The following PKIG variants were observed in gnomAD, a reference collection of about 807,000 sequenced individuals.
The protein encoded by PKIG is protein kinase (cAMP-dependent, catalytic) inhibitor gamma.
In PKIG, 1 loss-of-function variant was observed where a neutral mutation model predicts 6.8. The ratio of observed to expected loss-of-function variants is 0.15; its 90% CI spans 0.05 to 0.69. PKIG has a LOEUF of 0.69. PKIG is among the 30% of genes least tolerant of loss of function. The probability of loss-of-function intolerance (pLI) is 0.82; values close to 1 mark genes in which losing one functional copy is unlikely to be tolerated. For synonymous variants in PKIG, 39 were observed against 43.0 expected (o/e 0.91, Z 0.36); for missense variants, 77 against 104.0 (o/e 0.74, Z 1.13).
At chr20:44,600,611 C>T (rs980265375) in intron 2 of PKIG, among the ~76,000 whole-genome samples, 1 of 151,652 alleles carries the variant, frequency 6.6e-6, no homozygotes, top group Non-Finnish European at 1.5e-5. Flanking sequence ...TTTGGGAGGC[C>T]AAGGTGGGAG....
At chr20:44,593,758 C>T (rs2065053572) in intron 2 of PKIG, among the ~76,000 whole-genome samples, 1 of 152,088 alleles carries the variant, frequency 6.6e-6, no homozygotes, top group Non-Finnish European at 1.5e-5. Flanking sequence ...CTTAAGTATT[C>T]TCGTCACAAA....
At chr20:44,532,489 A>G (rs2064475645) in intron 1 of PKIG, among the ~76,000 whole-genome samples, 1 of 152,196 alleles carries the variant, frequency 6.6e-6, no homozygotes, top group Non-Finnish European at 1.5e-5. Context: ...ACCATCACTG[A>G]GCATTTATTG....
intron 1 of PKIG, among the ~76,000 whole-genome samples, chr20:44,556,262 T>C (rs529149009): frequency 6.6e-6 from 1 of 152,344 alleles, no homozygotes; most frequent in East Asian, 1.9e-4. Context: ...AAAAAAAGTG[T>C]GTTTGGCTTA....
intron 2 of PKIG, among the ~76,000 whole-genome samples, chr20:44,609,553 A>T (rs1228182453): frequency 6.6e-6 from 1 of 152,190 alleles, no homozygotes; most frequent in East Asian, 1.9e-4. Flanking sequence ...GAGGCCCGAG[A>T]GTGAAATCCA....
At chr20:44,574,031 C>T (rs929820481) in intron 1 of PKIG, among the ~76,000 whole-genome samples, 4 of 152,196 alleles carry the variant, frequency 2.6e-5, no homozygotes, top group Non-Finnish European at 5.9e-5. Context: ...ACCCCTCACC[C>T]TGAGGCAGCC....
chr20:44,578,079 G>T (rs2064914522), upstream of PKIG, among the ~76,000 whole-genome samples: 1 of 152,008 alleles, frequency 6.6e-6, no homozygotes, highest in Non-Finnish European at 1.5e-5. Flanking sequence ...GGTGGCTCAT[G>T]CCTGTAATCC....
intron 1 of PKIG, among the ~76,000 whole-genome samples, chr20:44,576,145 C>G (rs953933053): frequency 6.8e-6 from 1 of 147,802 alleles, no homozygotes; most frequent in Non-Finnish European, 1.5e-5. Context: ...TTACCATAGA[C>G]TGGACTAAGT....
At chr20:44,543,996 G>A (rs755123750) in intron 1 of PKIG, among the ~76,000 whole-genome samples, 3 of 151,600 alleles carry the variant, frequency 2.0e-5, no homozygotes, top group Non-Finnish European at 4.4e-5. Flanking sequence ...CCTGGGAGGT[G>A]GAGGTTGCAG....
chr20:44,614,832 G>T lies in PKIG; in HGVS notation c.151+125G>T, dbSNP rs957325389. On this transcript the variant is annotated intron_variant, in intron 3 of 3. Coordinates refer to ENST00000372886, the MANE Select transcript of PKIG (RefSeq NM_001281445.2). The surrounding 1 kb of genome is among the most constrained non-coding windows in gnomAD (Gnocchi z 4.6). ...AAGAAACCACATTTAAGTCAGGCCT[G>T]CCCCATGGTCAGTGGCAGAGTCCAG... 233 of 962,626 alleles carry T rather than the reference G, an allele frequency of 2.4e-4. No homozygotes were observed. The highest frequency in any genetic ancestry group is 3.3e-4 in the Non-Finnish European group (218 of 656,042). The allele number at this position is 962,626 out of a possible 1,614,324, so 59.6% of individuals were successfully genotyped here.
At chr20:44,555,656 A>G (rs2064706464) in intron 1 of PKIG, among the ~76,000 whole-genome samples, 1 of 151,582 alleles carries the variant, frequency 6.6e-6, no homozygotes, top group Non-Finnish European at 1.5e-5. Flanking sequence ...TCATCTTAGT[A>G]CTCCCACTCA....
At chr20:44,558,692 T>C (rs1568810300) in intron 1 of PKIG, among the ~76,000 whole-genome samples, 1 of 151,288 alleles carries the variant, frequency 6.6e-6, no homozygotes, top group Non-Finnish European at 1.5e-5. Flanking sequence ...TTTCTCTTTT[T>C]CTCTCTCTTC....
chr20:44,588,539 G>A (rs931173023), intron 1 of PKIG, among the ~76,000 whole-genome samples: 1 of 152,176 alleles, frequency 6.6e-6, no homozygotes, highest in African/African-American at 2.4e-5. Context: ...AGCTACTTGG[G>A]AGGCTGAGGC....
intron 1 of PKIG, among the ~76,000 whole-genome samples, chr20:44,563,632 C>T (rs1006987725): frequency 1.3e-5 from 2 of 152,134 alleles, no homozygotes; most frequent in Non-Finnish European, 2.9e-5. Context: ...TGGGCTCAAG[C>T]GATCCTCCTA....
chr20:44,557,674 A>G (rs1035964149), intron 1 of PKIG, among the ~76,000 whole-genome samples: 1 of 144,030 alleles, frequency 6.9e-6, no homozygotes, highest in African/African-American at 2.7e-5. Flanking sequence ...AAAAAAAAAA[A>G]TTAGCCAGCC....
intron 1 of PKIG, among the ~76,000 whole-genome samples, chr20:44,548,141 T>G (rs1351106398): frequency 6.6e-6 from 1 of 152,076 alleles, no homozygotes; most frequent in Admixed American, 6.6e-5. Context: ...ATCGCACAAC[T>G]GCACTCCAGC....
intron 2 of PKIG, among the ~76,000 whole-genome samples, chr20:44,595,600 G>A (rs1259444242): frequency 7.9e-5 from 12 of 152,154 alleles, no homozygotes; most frequent in Admixed American, 1.3e-4. Context: ...TGCAACCTCC[G>A]CCTCCTGGGT....
rs180960574 is a variant in PKIG, at chr20:44,551,681, C to T, written c.-241+19703C>T. ...CGTTTCCAGAAAGTCCTCTAGCCAG[C>T]TGTGCCTGTTGAGTGTCATTGACTT... On this transcript the variant is annotated intron_variant, in intron 1 of 4. Coordinates refer to the PKIG transcript ENST00000372887. Among the ~76,000 whole-genome samples the T allele has an allele frequency of 1.9e-3, 293 of 152,314 alleles. 2 individuals carry two copies. The highest frequency in any genetic ancestry group is 6.4e-3 in the African/African-American group (267 of 41,574).
intron 1 of PKIG, among the ~76,000 whole-genome samples, chr20:44,566,722 T>G (rs547333205): frequency 2.6e-4 from 40 of 152,300 alleles, no homozygotes; most frequent in African/African-American, 9.6e-4. Context: ...GGTGCACACT[T>G]GTAATCCCAG....
At chr20:44,566,710 G>A (rs913414131) in intron 1 of PKIG, among the ~76,000 whole-genome samples, 1 of 152,124 alleles carries the variant, frequency 6.6e-6, no homozygotes, top group Non-Finnish European at 1.5e-5. Context: ...GCTGGATGTG[G>A]TGGTGCACAC....
Sources: gnomAD v4.1 joint callset for allele counts (sites outside exome capture counted in the v4.1 genomes callset) on GRCh38, gnomAD v4.1.1 for gene constraint, Gnocchi (gnomAD v3.1) non-coding constraint, MANE v1.5 for transcripts, NCBI Gene and HGNC (gene_info 2026-07-23, HGNC 2026-07-21) for gene names.